NPIPB6: variants seen among roughly 807,000 people sequenced by gnomAD.
NPIPB6 encodes nuclear pore complex interacting protein family member B6.
In NPIPB6, 2 loss-of-function variants were observed where a neutral mutation model predicts 20.0. That is an observed-to-expected ratio of 0.10 (90% CI 0.04 to 0.31). The LOEUF (loss-of-function observed/expected upper bound fraction) is 0.31. NPIPB6 is among the 10% of genes least tolerant of loss of function. The pLI is 1.00. For synonymous variants in NPIPB6, 35 were observed against 116.3 expected, an observed-to-expected ratio of 0.30 and a Z score of 4.50; for missense variants, 96 against 293.7, an observed-to-expected ratio of 0.33 and a Z score of 4.92.
In NPIPB6 at chr16:28,348,205, C is replaced by G. The variant is rs1308776656; in HGVS notation, c.599+629G>C. Among the ~76,000 whole-genome samples, 2 of 110,668 alleles carry G rather than the reference C, an allele frequency of 1.8e-5. 1 individual carries two copies. The highest frequency in any genetic ancestry group is 6.3e-5 in the African/African-American group (2 of 31,654). 72.6% of individuals were successfully genotyped at this position (110,668 alleles called of 152,430 possible). On this transcript the variant is annotated intron_variant, in intron 4 of 6. Coordinates refer to ENST00000532254, the Ensembl canonical transcript of NPIPB6. ...GGCAGAATTGCTTCAAACTGGGAGG[C>G]AGAGGTTGCAGTGAGCCAAGATTGC...
At chr16:28,361,724 C>CTGTG (rs1567234803) in intron 1 of NPIPB6, among the ~76,000 whole-genome samples, 2 of 135,728 alleles carry the variant, frequency 1.5e-5, no homozygotes, top group African/African-American at 5.5e-5. Flanking sequence ...CTGTCTCTCT[C>CTGTG]TCTATATGTG....
rs1363122797 is a variant in NPIPB6 at position 28,351,708 on chromosome 16, A to C, written c.303+1171T>G. Among the ~76,000 whole-genome samples the C allele has an allele frequency of 8.5e-4, 98 of 114,876 alleles. 5 individuals are homozygous for C. The East Asian group carries it at 0.025, about 30-fold the overall frequency. 75.4% of individuals were successfully genotyped at this position (114,876 alleles called of 152,430 possible). Reference sequence around the variant, plus strand: ...AATTTATACCGAAAATTCTCTGTTCAGGACTAAGTGGCATAGAGAATGTTA... The same window carrying C: ...AATTTATACCGAAAATTCTCTGTTCCGGACTAAGTGGCATAGAGAATGTTA... On this transcript the variant is annotated intron_variant, in intron 2 of 6. Coordinates refer to ENST00000532254, the Ensembl canonical transcript of NPIPB6.
chr16:28,356,680 C>T (rs1160322331), intron 1 of NPIPB6: 4 of 187,182 alleles, frequency 2.1e-5, no homozygotes, highest in Non-Finnish European at 3.1e-5. Context: ...GGGAAGGGGA[C>T]GGGGACCGGG....
intron 1 of NPIPB6, among the ~76,000 whole-genome samples, chr16:28,360,431 C>G (rs1326450028): frequency 1.5e-5 from 2 of 131,494 alleles, no homozygotes; most frequent in Non-Finnish European, 3.5e-5. Context: ...TCCGACCAAA[C>G]TGCTTTTTCT....
chr16:28,360,581 C>A (rs2045408304), intron 1 of NPIPB6, among the ~76,000 whole-genome samples: 2 of 138,836 alleles, frequency 1.4e-5, no homozygotes, highest in African/African-American at 5.0e-5. Flanking sequence ...CCTCCTCTGC[C>A]CCTCCACAGT....
rs1035245632 is a variant in NPIPB6 at position 28,346,347 on chromosome 16, C to G, written c.600-1594G>C. On this transcript the variant is annotated intron_variant, in intron 4 of 6. Coordinates refer to ENST00000532254, the Ensembl canonical transcript of NPIPB6. ...CTGATTCTCAGTCAGAGGCTGATGC[C>G]GGAACTGAGACCATCAGCCATAGAG... The G allele has an allele frequency of 2.6e-6, 2 of 760,730 alleles. 1 individual carries two copies. The highest frequency in any genetic ancestry group is 3.1e-6 in the Non-Finnish European group (2 of 635,744). The allele number at this position is 760,730 out of a possible 1,614,324, so 47.1% of individuals were successfully genotyped here.
At chr16:28,349,889 CAAAAAAAA>C (rs1178858068) in intron 2 of NPIPB6, among the ~76,000 whole-genome samples, 138 of 16,836 alleles carry the variant, frequency 8.2e-3, no homozygotes, top group African/African-American at 0.021. Flanking sequence ...AACTCTGTCT[CAAAAAAAA>C]AAAAAAAAAA....
At chr16:28,355,618 A>AGT (rs1317339829) in intron 1 of NPIPB6, among the ~76,000 whole-genome samples, 1 of 118,302 alleles carries the variant, frequency 8.5e-6, no homozygotes, top group East Asian at 2.5e-4. Flanking sequence ...ATTAGCTGGG[A>AGT]GTGGTGGCAC....
chr16:28,359,150 AG>A (rs1697853578), intron 1 of NPIPB6, among the ~76,000 whole-genome samples: 1 of 140,734 alleles, frequency 7.1e-6, no homozygotes, highest in Non-Finnish European at 1.5e-5. Flanking sequence ...GGAGAGACCA[AG>A]TAAGTGGGGG....
rs1195473078 is a variant in NPIPB6, at chr16:28,350,227, A to T, written c.304-986T>A. Among the ~76,000 whole-genome samples the T allele has an allele frequency of 3.8e-5, 4 of 106,172 alleles. 1 individual carries two copies. Among genetic ancestry groups the T allele is most frequent in the Non-Finnish European group, 8.4e-5 (4 of 47,886 alleles). The allele number at this position is 106,172 out of a possible 152,430, so 69.7% of individuals were successfully genotyped here. A position where few individuals can be genotyped will look rare whatever the true frequency, so the allele number is the denominator to read the frequency against. On this transcript the variant is annotated intron_variant, in intron 2 of 6. Coordinates refer to ENST00000532254, the Ensembl canonical transcript of NPIPB6. ...AAAAAAAAAAAAATGACATGAATAT[A>T]CTTCACACAACTGAACTGTACACTT...
chr16:28,351,653 A>G (rs2045231983), intron 2 of NPIPB6, among the ~76,000 whole-genome samples: 1 of 120,124 alleles, frequency 8.3e-6, no homozygotes, highest in Non-Finnish European at 1.9e-5. Context: ...CGGGGGTGAG[A>G]AAAGAAAAAA....
intron 2 of NPIPB6, among the ~76,000 whole-genome samples, chr16:28,351,436 G>A (rs1384879185): frequency 1.0e-4 from 4 of 39,674 alleles, no homozygotes; most frequent in East Asian, 1.4e-3. Context: ...ATTTGAGGTC[G>A]GGTTTTGAGA....
chr16:28,350,205 A>C (rs1344930794), intron 2 of NPIPB6, among the ~76,000 whole-genome samples: 1 of 111,008 alleles, frequency 9.0e-6, no homozygotes, highest in Non-Finnish European at 2.0e-5. Context: ...CAAAAAAAAA[A>C]AAAAAAAAAT....
At chr16:28,348,554 A>G (rs2141614070) in intron 4 of NPIPB6, among the ~76,000 whole-genome samples, 1 of 112,536 alleles carries the variant, frequency 8.9e-6, no homozygotes, top group South Asian at 2.7e-4. Context: ...CTGGGCAACA[A>G]CAGCAAAGCT....
chr16:28,361,816 C>A (rs2045446047), intron 1 of NPIPB6, among the ~76,000 whole-genome samples: 1 of 144,030 alleles, frequency 6.9e-6, no homozygotes, highest in East Asian at 2.1e-4. Flanking sequence ...AATAAAAGAT[C>A]ATTTTTGAGA....
Position 28,343,070 on chromosome 16 carries a change from T to C in NPIPB6, c.815A>G (p.His272Arg), listed in dbSNP as rs760448910. 1.4e-4 allele frequency: 203 copies of C among 1,441,242 alleles called. 39 individuals carry two copies. Among genetic ancestry groups the C allele is most frequent in the Non-Finnish European group, 1.8e-4 (188 of 1,051,948 alleles). 89.3% of individuals were successfully genotyped at this position (1,441,242 alleles called of 1,614,324 possible). A position where few individuals can be genotyped will look rare whatever the true frequency, so the allele number is the denominator to read the frequency against. Residue 272 changes from histidine to arginine, a missense_variant, in exon 7 of 7, where the codon CAT becomes CGT. This residue lies in a region of NPIPB6 where 81 missense variants were observed against 190.9 expected (regional missense o/e 0.42). Transcript: ENST00000532254. ...GCTCAGGGAGTTATCAGTTATAGAA[T>C]GTTGTTGAGTTGGAGGAGGTGGCTG...
intron 1 of NPIPB6, among the ~76,000 whole-genome samples, chr16:28,356,126 TGTC>T (rs903090533): frequency 6.0e-5 from 3 of 50,020 alleles, no homozygotes; most frequent in Non-Finnish European, 9.0e-5. Context: ...AGTGAGACTC[TGTC>T]TAAAAAAAAA....
chr16:28,348,309 G>T (rs1388700281), intron 4 of NPIPB6, among the ~76,000 whole-genome samples: 2 of 109,210 alleles, frequency 1.8e-5, no homozygotes, highest in African/African-American at 6.3e-5. Flanking sequence ...GCTGGGTGTG[G>T]TGGCTCACAC....
chr16:28,362,102 ATT>A (rs765651989), intron 1 of NPIPB6, among the ~76,000 whole-genome samples: 110 of 131,548 alleles, frequency 8.4e-4, no homozygotes, highest in South Asian at 3.3e-3. Flanking sequence ...TTGCAGGATA[ATT>A]TTTTTTTTTT....
Sources: gnomAD v4.1 joint callset for allele counts (sites outside exome capture counted in the v4.1 genomes callset) on GRCh38, gnomAD v4.1.1 for gene constraint, gnomAD v4.1.1 regional missense constraint, MANE v1.5 for transcripts, NCBI Gene and HGNC (gene_info 2026-07-23, HGNC 2026-07-21) for gene names.